The following FBN1 variants were observed in gnomAD, a reference collection of about 807,000 sequenced individuals.
The protein encoded by FBN1 is fibrillin 1.
In FBN1, 29 loss-of-function variants were observed where a neutral mutation model predicts 365.1. That is an observed-to-expected ratio of 0.08 (90% confidence interval 0.06 to 0.11). The LOEUF is 0.11. Among genes scored for constraint, FBN1 ranks in the 10% least tolerant of loss-of-function variants. The pLI is 1.00. For synonymous variants in FBN1, 1,210 were observed against 1,270.5 expected (o/e 0.95, Z 1.01); for missense variants, 2,476 against 3,703.2 (o/e 0.67, Z 8.60).
At chr15:48,450,365 C>T (rs2141253718) in intron 45 of FBN1, among the ~76,000 whole-genome samples, 1 of 152,254 alleles carries the variant, frequency 6.6e-6, no homozygotes, top group South Asian at 2.1e-4. Context: ...ATCTACTGCC[C>T]TATTTCATGA....
intron 38 of FBN1, among the ~76,000 whole-genome samples, chr15:48,466,112 G>A (rs1412987742): frequency 1.3e-5 from 2 of 152,132 alleles, no homozygotes; most frequent in Non-Finnish European, 2.9e-5. Context: ...TCTTACATGT[G>A]TGTGGACTGT....
intron 45 of FBN1, among the ~76,000 whole-genome samples, chr15:48,451,443 C>T (rs1193348319): frequency 1.3e-5 from 2 of 152,134 alleles, no homozygotes; most frequent in Admixed American, 6.5e-5. Context: ...TTCCTTTAAA[C>T]TCAACAAAAC....
intron 49 of FBN1, among the ~76,000 whole-genome samples, chr15:48,442,689 T>C (rs2043125807): frequency 6.6e-6 from 1 of 152,188 alleles, no homozygotes; most frequent in South Asian, 2.1e-4. Context: ...TTGTTAATAG[T>C]GCCCTTTTCT....
chr15:48,614,490 C>T (rs1406507348), intron 2 of FBN1, among the ~76,000 whole-genome samples: 1 of 152,158 alleles, frequency 6.6e-6, no homozygotes, highest in Non-Finnish European at 1.5e-5. Context: ...AAGGTCTTTG[C>T]TATGTCCTTT....
At chr15:48,575,319 ATATG>A (rs56083230) in intron 6 of FBN1, among the ~76,000 whole-genome samples, 107,476 of 149,840 alleles carry the variant, frequency 0.72, 40,757 homozygotes, top group Non-Finnish European at 0.83. Context: ...ATGTATTTAC[ATATG>A]TATGTATGTA....
intron 6 of FBN1, among the ~76,000 whole-genome samples, chr15:48,550,126 C>T (rs1395488187): frequency 2.0e-5 from 3 of 152,208 alleles, no homozygotes; most frequent in East Asian, 1.9e-4. Context: ...ATTTGCTGTT[C>T]GTCTCGAGTT....
intron 6 of FBN1, among the ~76,000 whole-genome samples, chr15:48,568,271 C>T (rs2140667553): frequency 6.6e-6 from 1 of 151,688 alleles, no homozygotes; most frequent in East Asian, 1.9e-4. Context: ...TTCACAATTA[C>T]ATCAAAAGGA....
chr15:48,538,704 A>G (rs1286082630), intron 6 of FBN1, among the ~76,000 whole-genome samples: 3 of 152,044 alleles, frequency 2.0e-5, no homozygotes, highest in Admixed American at 6.5e-5. Flanking sequence ...CATAATATCC[A>G]TTTCCGTGGT....
chr15:48,451,520 A>G (rs1035026556), intron 45 of FBN1, among the ~76,000 whole-genome samples: 1 of 152,148 alleles, frequency 6.6e-6, no homozygotes, highest in Non-Finnish European at 1.5e-5. Context: ...AGGTCTCATA[A>G]AACAATGCAA....
Position 48,409,959 on chromosome 15 carries a change from C to T in FBN1, c.*1031G>A, listed in dbSNP as rs1159461905. 1 of 152,484 alleles carries T rather than the reference C, an allele frequency of 6.6e-6. No homozygotes were observed. The highest frequency in any genetic ancestry group is 1.5e-5 in the Non-Finnish European group (1 of 68,028). 9.4% of individuals were successfully genotyped at this position (152,484 alleles called of 1,614,324 possible). A position where few individuals can be genotyped will look rare whatever the true frequency, so the allele number is the denominator to read the frequency against. On this transcript the variant is annotated 3_prime_UTR_variant, in exon 66 of 66. Transcript: ENST00000316623. ...TCTTCTAGTGGTTATACATTTGGTA[C>T]TTTCATAAGCCATAAGTAAGAGACC... is the stretch of plus-strand genomic sequence containing the variant.
At chr15:48,557,565 G>C (rs1382473408) in intron 6 of FBN1, among the ~76,000 whole-genome samples, 1 of 152,178 alleles carries the variant, frequency 6.6e-6, no homozygotes, top group Non-Finnish European at 1.5e-5. Flanking sequence ...CGCCATTCAA[G>C]CCAGGATTCT....
intron 3 of FBN1, 46 bp downstream of exon 3, chr15:48,612,964 C>T (rs2044668300): frequency 1.4e-6 from 2 of 1,429,010 alleles, no homozygotes; most frequent in East Asian, 2.3e-5. Context: ...GCAACCAACA[C>T]AACAAAAGAA....
intron 6 of FBN1, among the ~76,000 whole-genome samples, chr15:48,546,520 C>T (rs1159325912): frequency 1.3e-5 from 2 of 152,124 alleles, no homozygotes; most frequent in African/African-American, 2.4e-5. Context: ...AAGAAAGCCG[C>T]TGTGACCAGA....
At chr15:48,532,065 T>G in intron 8 of FBN1, among the ~76,000 whole-genome samples, 1 of 152,138 alleles carries the variant, frequency 6.6e-6, no homozygotes, top group Admixed American at 6.5e-5. Context: ...CCATAATAGG[T>G]TTCTTAGCAT....
rs794728228 is a variant in FBN1 at position 48,468,064 on chromosome 15, G to A, written c.4621C>T (p.Arg1541Ter). 1.2e-6 allele frequency: 2 copies of A among 1,614,026 alleles called. No individual in the cohort carries two copies. Among genetic ancestry groups the A allele is most frequent in the Non-Finnish European group, 1.7e-6 (2 of 1,179,994 alleles). Residue 1541 changes from arginine to a stop codon, truncating the protein, a stop_gained, in exon 38 of 66, where the codon CGA becomes TGA. Coordinates refer to ENST00000316623, the MANE Select transcript of FBN1 (RefSeq NM_000138.5). LOFTEE classifies it high-confidence loss of function. The part of the protein sequence containing the change: ...SGNCYLDIRP[R>*]GDNGDTACSN... ...CAGGCTGTATCTCCATTGTCTCCTC[G>A]AGGTCGAATATCCAAATAGCAATTT...
intron 10 of FBN1, among the ~76,000 whole-genome samples, chr15:48,516,730 C>T (rs562384243): frequency 7.9e-5 from 12 of 152,252 alleles, no homozygotes; most frequent in Admixed American, 2.0e-4. Flanking sequence ...TTATTTTATG[C>T]GCAGTGCAAA....
At position 48,432,895 on chromosome 15, in the gene FBN1, A is replaced by C; in HGVS notation, c.6710T>G (p.Val2237Gly). 6.2e-7 allele frequency: 1 copy of C among 1,613,748 alleles called. No homozygotes were observed. The highest frequency in any genetic ancestry group is 8.5e-7 in the Non-Finnish European group (1 of 1,179,688). The change falls in exon 55 of 66, where the codon GTG becomes GGG. Residue 2237 changes from valine to glycine, a missense_variant. Transcript: ENST00000316623. Reference protein sequence around the residue: ...SYECKCPVGYVLREDRRMCKD... With the variant: ...SYECKCPVGYGLREDRRMCKD... ...GCACATCCTACGGTCTTCTCTGAGC[A>C]CATATCCCACGGGACATTTGCATTC...
At position 48,420,778 on chromosome 15, in the gene FBN1, G is replaced by C. The variant is rs751226629; in HGVS notation, c.7728C>G (p.Arg2576=). Residue 2576 remains arginine, a synonymous_variant, in exon 63 of 66, where the codon CGC becomes CGG. Coordinates refer to ENST00000316623, the MANE Select transcript of FBN1 (RefSeq NM_000138.5). The stretch of plus-strand genomic sequence containing the variant: ...TGATGTTCTGGCAGCCATGCTGGCA[G>C]CGGTGGTTACCCTCACACTCGTCCA... ...EDVDECEGNH[R]CQHGCQNIIG... The C allele has an allele frequency of 1.2e-6, 2 of 1,614,098 alleles. No individual in the cohort carries two copies. Among genetic ancestry groups the C allele is most frequent in the Admixed American group, 1.7e-5 (1 of 60,022 alleles).
intron 35 of FBN1, among the ~76,000 whole-genome samples, chr15:48,471,055 C>A (rs534507493): frequency 3.3e-5 from 5 of 152,032 alleles, no homozygotes; most frequent in African/African-American, 1.2e-4. Flanking sequence ...AAGTAAGAGG[C>A]AAGCAAGCCA....
Sources: gnomAD v4.1 joint callset for allele counts (sites outside exome capture counted in the v4.1 genomes callset) on GRCh38, gnomAD v4.1.1 for gene constraint, MANE v1.5 for transcripts, NCBI Gene and HGNC (gene_info 2026-07-23, HGNC 2026-07-21) for gene names.